Variants in NR6A1 observed in about 807,000 individuals in gnomAD.
The protein encoded by NR6A1 is retinoic acid receptor-related testis-associated receptor.
A neutral mutation model predicts 59.1 loss-of-function variants in NR6A1; 7 were observed. That is an observed-to-expected ratio of 0.12 (90% CI 0.07 to 0.22). The LOEUF (loss-of-function observed/expected upper bound fraction) is 0.22, where lower values mean the gene tolerates loss of function less well. NR6A1 is among the 10% of genes least tolerant of loss of function. NR6A1 has a pLI of 1.00. For synonymous variants in NR6A1, 243 were observed against 236.1 expected (o/e 1.03, Z -0.27); for missense variants, 468 against 611.6 (o/e 0.77, Z 2.48).
chr9:124,592,773 A>G (rs967030399), intron 2 of NR6A1, among the ~76,000 whole-genome samples: 2 of 152,206 alleles, frequency 1.3e-5, no homozygotes, highest in African/African-American at 2.4e-5. Flanking sequence ...AGTTGGGAGA[A>G]GACTATTTAA....
At chr9:124,728,637 A>AAAAAAAATAAAT (rs1554750391) in intron 2 of NR6A1, among the ~76,000 whole-genome samples, 2 of 144,840 alleles carry the variant, frequency 1.4e-5, no homozygotes, top group African/African-American at 5.2e-5. Flanking sequence ...TCCGCCTCAA[A>AAAAAAAATAAAT]AAATAAATAA....
intron 1 of NR6A1, among the ~76,000 whole-genome samples, chr9:124,744,701 G>A (rs910000458): frequency 2.0e-5 from 3 of 152,210 alleles, no homozygotes; most frequent in Non-Finnish European, 4.4e-5. Context: ...CAGCTACTGA[G>A]GGAAGTGAAG....
chr9:124,673,772 G>A (rs1010351997), intron 2 of NR6A1, among the ~76,000 whole-genome samples: 1 of 152,060 alleles, frequency 6.6e-6, no homozygotes, highest in Admixed American at 6.6e-5. Context: ...GGTCATCTCC[G>A]ACACCTATCA....
At chr9:124,650,944 C>T (rs956645337) in intron 2 of NR6A1, among the ~76,000 whole-genome samples, 18 of 152,134 alleles carry the variant, frequency 1.2e-4, no homozygotes, top group African/African-American at 4.1e-4. Context: ...CCTGGCAATG[C>T]CCCCAAAAGG....
intron 7 of NR6A1, among the ~76,000 whole-genome samples, chr9:124,529,163 CG>C (rs1229493525): frequency 6.6e-6 from 1 of 152,166 alleles, no homozygotes; most frequent in Non-Finnish European, 1.5e-5. Context: ...CCAGCCTGGC[CG>C]ATACATTCAT....
chr9:124,656,118 T>C (rs140989601), intron 2 of NR6A1, among the ~76,000 whole-genome samples: 9 of 152,226 alleles, frequency 5.9e-5, no homozygotes, highest in African/African-American at 1.9e-4. Context: ...CAAAAGCTGA[T>C]GGTTTTAAAG....
Position 124,554,404 on chromosome 9 carries a change from G to A in NR6A1, c.309C>T (p.Val103=), listed in dbSNP as rs777438651. The change falls in exon 3 of 10, where the codon GTC becomes GTT. Residue 103 remains valine, a synonymous_variant. Transcript: ENST00000487099. ...VYRCSRDKNC[V]MSRKQRNRCQ... is the part of the protein sequence containing the mutation. ...ACCTGTTCCTCTGCTTCCGAGACATGACACAGTTCTTGTCACGACTGCATC... is the reference window on the plus strand; with the variant it reads ...ACCTGTTCCTCTGCTTCCGAGACATAACACAGTTCTTGTCACGACTGCATC... 3.7e-6 allele frequency: 6 copies of A among 1,614,142 alleles called. No individual in the cohort carries two copies. Among genetic ancestry groups the A allele is most frequent in the Admixed American group, 1.7e-5 (1 of 60,020 alleles).
intron 2 of NR6A1, among the ~76,000 whole-genome samples, chr9:124,685,810 T>C (rs1270947943): frequency 6.6e-6 from 1 of 152,210 alleles, no homozygotes; most frequent in Non-Finnish European, 1.5e-5. Flanking sequence ...ATTGTCAATT[T>C]CAGGTTAGCA....
intron 2 of NR6A1, among the ~76,000 whole-genome samples, chr9:124,667,224 G>T (rs1322487327): frequency 6.6e-6 from 1 of 151,746 alleles, no homozygotes; most frequent in Non-Finnish European, 1.5e-5. Context: ...GTAGATACAG[G>T]GTTTCGCCAT....
intron 2 of NR6A1, among the ~76,000 whole-genome samples, chr9:124,682,964 G>T (rs1261470598): frequency 6.6e-6 from 1 of 152,176 alleles, no homozygotes; most frequent in Non-Finnish European, 1.5e-5. Flanking sequence ...CCAGCATTCT[G>T]GGAAGCTAAG....
intron 2 of NR6A1, among the ~76,000 whole-genome samples, chr9:124,709,346 C>A (rs961237656): frequency 1.3e-5 from 2 of 152,158 alleles, no homozygotes; most frequent in Admixed American, 6.5e-5. Context: ...CTGATCCAAT[C>A]TGGGCTTATA....
In NR6A1 at chr9:124,613,225, A is replaced by G. The variant is rs182711540; in HGVS notation, c.143-58655T>C. Reference sequence around the variant, plus strand: ...GTGGCACATACCTGTAGTCCCATCTATTTGGGAGCTGACACGGAAGGACCA... The same window carrying G: ...GTGGCACATACCTGTAGTCCCATCTGTTTGGGAGCTGACACGGAAGGACCA... On this transcript the variant is annotated intron_variant, in intron 2 of 9. Transcript: ENST00000487099. Among the ~76,000 whole-genome samples the G allele has an allele frequency of 1.7e-3, 255 of 152,156 alleles. 1 individual carries two copies. Among genetic ancestry groups the G allele is most frequent in the Non-Finnish European group, 3.2e-3 (217 of 68,004 alleles).
At chr9:124,650,866 G>A (rs1033520573) in intron 2 of NR6A1, among the ~76,000 whole-genome samples, 3 of 152,116 alleles carry the variant, frequency 2.0e-5, no homozygotes. Context: ...GAAACATTCA[G>A]GAATAGTCTG....
chr9:124,602,916 A>T (rs1835484291), intron 2 of NR6A1, among the ~76,000 whole-genome samples: 1 of 152,062 alleles, frequency 6.6e-6, no homozygotes, highest in African/African-American at 2.4e-5. Flanking sequence ...ATGCTGACCC[A>T]CTTACTTATA....
intron 2 of NR6A1, among the ~76,000 whole-genome samples, chr9:124,667,425 A>C (rs921098827): frequency 6.6e-6 from 1 of 152,156 alleles, no homozygotes; most frequent in Non-Finnish European, 1.5e-5. Flanking sequence ...AGTATATCTA[A>C]AATACGTGCT....
chr9:124,535,832 A>T (rs765467875), intron 7 of NR6A1, 46 bp downstream of exon 7: 9 of 1,607,052 alleles, frequency 5.6e-6, no homozygotes, highest in Non-Finnish European at 6.8e-6. Flanking sequence ...CAGGGATGAC[A>T]ATTGTTTGGT....
At chr9:124,589,402 C>T (rs1041909093) in intron 2 of NR6A1, among the ~76,000 whole-genome samples, 1 of 152,044 alleles carries the variant, frequency 6.6e-6, no homozygotes, top group Admixed American at 6.5e-5. Flanking sequence ...GCCGAGATAG[C>T]ACCACTGCAC....
chr9:124,673,341 A>T (rs187250272), intron 2 of NR6A1, among the ~76,000 whole-genome samples: 239 of 152,292 alleles, frequency 1.6e-3, no homozygotes, highest in Middle Eastern at 3.4e-3. Flanking sequence ...CTGAAGACTC[A>T]GTGAGACATA....
At chr9:124,727,925 T>C (rs1839770237) in intron 2 of NR6A1, among the ~76,000 whole-genome samples, 1 of 151,880 alleles carries the variant, frequency 6.6e-6, no homozygotes, top group African/African-American at 2.4e-5. Context: ...CCTCATGATC[T>C]GCCCACCTCA....
Sources: allele counts gnomAD v4.1 joint callset (sites outside exome capture counted in the v4.1 genomes callset), GRCh38; gene constraint gnomAD v4.1.1; transcripts MANE v1.5; gene names NCBI Gene and HGNC (gene_info 2026-07-23, HGNC 2026-07-21).